The following TMEM47 variants were observed in gnomAD, a reference collection of about 807,000 sequenced individuals.
TMEM47 encodes brain cell membrane protein 1.
Under a neutral mutation model 12.4 loss-of-function variants are expected in TMEM47, and 3 were observed. The ratio of observed to expected loss-of-function variants is 0.24; its 90% CI spans 0.11 to 0.63. TMEM47 has a LOEUF of 0.63. TMEM47 is among the 20% of genes least tolerant of loss of function. The pLI is 0.86. For missense variants in TMEM47, 89 were observed against 143.8 expected (o/e 0.62, Z 1.95); for synonymous variants, 62 against 63.3 (o/e 0.98, Z 0.10).
intron 1 of TMEM47, among the ~76,000 whole-genome samples, chrX:34,649,850 C>T (rs754302544): frequency 3.2e-4 from 36 of 111,243 alleles, no homozygotes; most frequent in African/African-American, 9.8e-4. Flanking sequence ...CTCAGCCTCC[C>T]GAGTAGCTGG....
At chrX:34,656,765 G>T (rs779422526) in intron 1 of TMEM47, 39 bp downstream of exon 1, 6 of 1,153,406 alleles carry the variant, frequency 5.2e-6, no homozygotes, top group Non-Finnish European at 6.9e-6. Flanking sequence ...GGGGCAGTCC[G>T]GGGCGGGAGG....
chrX:34,650,355 CA>C (rs977703719), intron 1 of TMEM47, among the ~76,000 whole-genome samples: 1 of 111,660 alleles, frequency 9.0e-6, no homozygotes. Flanking sequence ...ACCAACCCTC[CA>C]AAAATACTAT....
intron 1 of TMEM47, among the ~76,000 whole-genome samples, chrX:34,651,957 T>C (rs191533249): frequency 8.5e-4 from 96 of 112,335 alleles, no homozygotes; most frequent in Non-Finnish European, 1.3e-3. Flanking sequence ...TTGAAAAAAG[T>C]ATCACTGGGA....
rs112736796 is a variant in TMEM47 at position 34,628,549 on chromosome X, G to GT, written c.*1763dup. 0.028 allele frequency: 2,826 copies of GT among 101,859 alleles called. 70 individuals are homozygous for GT. Among genetic ancestry groups the GT allele is most frequent in the African/African-American group, 0.081 (2,299 of 28,292 alleles). The allele number at this position is 101,859 out of a possible 1,213,427, so 8.4% of individuals were successfully genotyped here. On this transcript the variant is annotated 3_prime_UTR_variant, in exon 3 of 3. Transcript: ENST00000275954. ...TTCTAGCATTTGGATAATAAAATAG[G>GT]TTTTTTTTTTTTGGCTGTTGTTTTT...
chrX:34,655,386 T>G (rs1922086717), intron 1 of TMEM47, among the ~76,000 whole-genome samples: 1 of 111,770 alleles, frequency 8.9e-6, no homozygotes, highest in Non-Finnish European at 1.9e-5. Flanking sequence ...TTATTTTATC[T>G]TTAGTTGTAA....
intron 2 of TMEM47, among the ~76,000 whole-genome samples, chrX:34,635,672 A>C (rs1425183277): frequency 9.0e-6 from 1 of 111,679 alleles, no homozygotes; most frequent in Non-Finnish European, 1.9e-5. Flanking sequence ...CTAGATACTC[A>C]ACAAGGCAAA....
intron 1 of TMEM47, among the ~76,000 whole-genome samples, chrX:34,645,417 G>A (rs746328276): frequency 8.9e-6 from 1 of 112,102 alleles, no homozygotes; most frequent in Admixed American, 9.5e-5. Flanking sequence ...TAGGAAGCCT[G>A]TATCCTCATA....
chrX:34,643,636 G>C (rs776884103), intron 1 of TMEM47, among the ~76,000 whole-genome samples: 76 of 111,750 alleles, frequency 6.8e-4, no homozygotes, highest in African/African-American at 2.2e-3. Context: ...CTCTGCATTA[G>C]TTTTCTACCT....
intron 1 of TMEM47, among the ~76,000 whole-genome samples, chrX:34,649,080 A>G (rs1186671824): frequency 8.9e-6 from 1 of 111,864 alleles, no homozygotes; most frequent in African/African-American, 3.3e-5. Flanking sequence ...AAAAGGGAAC[A>G]CTTATACACA....
chrX:34,641,657 T>C (rs1380089341), intron 1 of TMEM47, among the ~76,000 whole-genome samples: 2 of 111,738 alleles, frequency 1.8e-5, no homozygotes, highest in Non-Finnish European at 3.8e-5. Context: ...CTCAAAAAAA[T>C]AGCTAAAATA....
chrX:34,643,870 G>A (rs1223566330), intron 1 of TMEM47, among the ~76,000 whole-genome samples: 1 of 110,262 alleles, frequency 9.1e-6, no homozygotes, highest in East Asian at 2.9e-4. Flanking sequence ...ATCCTTGGTT[G>A]ATAAATTGGT....
At chrX:34,644,542 C>T (rs1921876478) in intron 1 of TMEM47, among the ~76,000 whole-genome samples, 2 of 111,951 alleles carry the variant, frequency 1.8e-5, no homozygotes, top group Admixed American at 1.9e-4. Flanking sequence ...AGCTTTCTGC[C>T]TCCACTCACC....
At chrX:34,641,242 T>TC (rs1921812821) in intron 1 of TMEM47, among the ~76,000 whole-genome samples, 1 of 111,311 alleles carries the variant, frequency 9.0e-6, no homozygotes, top group Admixed American at 9.6e-5. Flanking sequence ...ATTAAAAAAA[T>TC]CAAAGTTTAA....
chrX:34,657,092 G>C lies in TMEM47; in HGVS notation c.-63C>G, dbSNP rs973477691. 9.2e-7 allele frequency: 1 copy of C among 1,082,993 alleles called. No homozygotes were observed. Among genetic ancestry groups the C allele is most frequent in the African/African-American group, 1.9e-5 (1 of 52,088 alleles). The allele number at this position is 1,082,993 out of a possible 1,213,427, so 89.3% of individuals were successfully genotyped here. A position where few individuals can be genotyped will look rare whatever the true frequency, so the allele number is the denominator to read the frequency against. On this transcript the variant is annotated 5_prime_UTR_variant, in exon 1 of 3. Coordinates refer to ENST00000275954, the MANE Select transcript of TMEM47 (RefSeq NM_031442.4). ...GGACGCCAGGCGGGTCCGGAGAGCC[G>C]GGAGCCGGACCTCCCGAAGGGAGAA...
intron 1 of TMEM47, 138 bp from the exon 2 acceptor site, chrX:34,639,525 G>T: frequency 3.2e-6 from 2 of 632,659 alleles, no homozygotes; most frequent in Non-Finnish European, 4.8e-6. Context: ...GGTTTGAAAT[G>T]TTTTGCAACA....
At chrX:34,642,592 T>C (rs1177022686) in intron 1 of TMEM47, among the ~76,000 whole-genome samples, 2 of 112,063 alleles carry the variant, frequency 1.8e-5, no homozygotes, top group African/African-American at 6.5e-5. Flanking sequence ...AAATGTCCTA[T>C]GTTTATTTTC....
chrX:34,645,819 T>C (rs1377596726), intron 1 of TMEM47, among the ~76,000 whole-genome samples: 1 of 112,297 alleles, frequency 8.9e-6, no homozygotes, highest in Non-Finnish European at 1.9e-5. Flanking sequence ...AGTAATTATT[T>C]GTATTTTATA....
In TMEM47 at chrX:34,629,494, AC is replaced by A. The variant is rs1921573943; in HGVS notation, c.*818del. 1 of 111,760 alleles carries A rather than the reference AC, an allele frequency of 8.9e-6. No individual in the cohort carries two copies. Among genetic ancestry groups the A allele is most frequent in the Non-Finnish European group, 1.9e-5 (1 of 53,187 alleles). 9.2% of individuals were successfully genotyped at this position (111,760 alleles called of 1,213,427 possible). Reference sequence around the variant, plus strand: ...TTATTACCATTTATACTAATGGTTCACCTTCTATAAAAACAGTGAAGCTTGT... The same window carrying A: ...TTATTACCATTTATACTAATGGTTCACTTCTATAAAAACAGTGAAGCTTGT... On this transcript the variant is annotated 3_prime_UTR_variant, in exon 3 of 3. Coordinates refer to ENST00000275954, the MANE Select transcript of TMEM47 (RefSeq NM_031442.4).
At chrX:34,655,404 A>G (rs1165853825) in intron 1 of TMEM47, among the ~76,000 whole-genome samples, 1 of 111,716 alleles carries the variant, frequency 9.0e-6, no homozygotes, top group Non-Finnish European at 1.9e-5. Flanking sequence ...TAAACTGCCA[A>G]CCCTGAAAGA....
Sources: gnomAD v4.1 joint callset for allele counts (sites outside exome capture counted in the v4.1 genomes callset) on GRCh38, gnomAD v4.1.1 for gene constraint, MANE v1.5 for transcripts, NCBI Gene and HGNC (gene_info 2026-07-23, HGNC 2026-07-21) for gene names.